The following ACOT12 variants were observed in gnomAD, a reference collection of about 807,000 sequenced individuals.
ACOT12 encodes the protein acyl-CoA thioesterase 12.
ACOT12 carries 51 observed loss-of-function variants against 67.7 expected under a neutral mutation model. The ratio of observed to expected loss-of-function variants is 0.75; its 90% confidence interval spans 0.60 to 0.95. ACOT12 has a LOEUF of 0.95. ACOT12 is among the 40% of genes least tolerant of loss of function. ACOT12 has a pLI of 0.00. For synonymous variants in ACOT12, 251 were observed against 244.6 expected, an observed-to-expected ratio of 1.03 and a Z score of -0.24; for missense variants, 734 against 708.1, an observed-to-expected ratio of 1.04 and a Z score of -0.41.
chr5:81,386,424 G>A (rs539401844), intron 1 of ACOT12, among the ~76,000 whole-genome samples: 1 of 152,150 alleles, frequency 6.6e-6, no homozygotes, highest in Non-Finnish European at 1.5e-5. Context: ...TGAAGGAGGA[G>A]TATTGAGTAG....
intron 2 of ACOT12, among the ~76,000 whole-genome samples, chr5:81,382,016 CTAAT>C (rs1298369222): frequency 6.6e-6 from 1 of 152,028 alleles, no homozygotes; most frequent in Non-Finnish European, 1.5e-5. Flanking sequence ...TATTCTGAAT[CTAAT>C]TAATGTGTAT....
At chr5:81,352,520 T>C (rs567571214) in intron 5 of ACOT12, among the ~76,000 whole-genome samples, 1 of 152,168 alleles carries the variant, frequency 6.6e-6, no homozygotes, top group South Asian at 2.1e-4. Flanking sequence ...ACGACAAACA[T>C]TGCATGTTTT....
At chr5:81,344,841 G>A (rs1285330065) in intron 8 of ACOT12, 50 bp downstream of exon 8, 1 of 1,602,928 alleles carries the variant, frequency 6.2e-7, no homozygotes, top group Non-Finnish European at 8.5e-7. Context: ...TCTAGGTAGA[G>A]CTCTCTATTC....
At chr5:81,362,735 C>T (rs987269376) in intron 4 of ACOT12, among the ~76,000 whole-genome samples, 5 of 152,138 alleles carry the variant, frequency 3.3e-5, no homozygotes, top group Admixed American at 2.0e-4. Context: ...ACACAGGCTC[C>T]GTGGGATGCT....
intron 1 of ACOT12, among the ~76,000 whole-genome samples, chr5:81,391,978 G>A (rs1412875113): frequency 6.6e-6 from 1 of 152,218 alleles, no homozygotes; most frequent in Non-Finnish European, 1.5e-5. Context: ...AACCGTGTGT[G>A]TGAGATGTTC....
chr5:81,325,490 C>T (rs1482925906), downstream of ACOT12, among the ~76,000 whole-genome samples: 2 of 152,134 alleles, frequency 1.3e-5, no homozygotes, highest in Non-Finnish European at 2.9e-5. Context: ...AATGAAAGGA[C>T]AGAGGTGCAG....
intron 2 of ACOT12, among the ~76,000 whole-genome samples, chr5:81,382,588 G>C (rs529675807): frequency 6.6e-6 from 1 of 152,222 alleles, no homozygotes; most frequent in African/African-American, 2.4e-5. Context: ...CCTGAGATCA[G>C]GAGTTTGAGA....
At chr5:81,390,039 C>T (rs951591808) in intron 1 of ACOT12, among the ~76,000 whole-genome samples, 4 of 149,168 alleles carry the variant, frequency 2.7e-5, no homozygotes, top group Non-Finnish European at 5.9e-5. Flanking sequence ...ACTGCAGCCT[C>T]GACCTCCCAG....
intron 6 of ACOT12, 71 bp downstream of exon 6, chr5:81,347,703 T>C: frequency 6.6e-7 from 1 of 1,524,374 alleles, no homozygotes; most frequent in Non-Finnish European, 8.9e-7. Context: ...TCCCAAGAAC[T>C]GGATCTCAGT....
At chr5:81,363,477 A>G (rs1401929755) in intron 4 of ACOT12, among the ~76,000 whole-genome samples, 1 of 152,242 alleles carries the variant, frequency 6.6e-6, no homozygotes, top group Non-Finnish European at 1.5e-5. Flanking sequence ...AATGAAAAGC[A>G]CTAAACCAGT....
At chr5:81,311,330 C>T in the ACOT12 span, 13 of 1,554,780 alleles carry the variant, frequency 8.4e-6, no homozygotes, top group Admixed American at 5.1e-5. Context: ...TATTCCTCTG[C>T]GTTTTATTCT....
At chr5:81,363,715 T>C in intron 4 of ACOT12, 73 bp downstream of exon 4, 1 of 1,103,284 alleles carries the variant, frequency 9.1e-7, no homozygotes. Context: ...CATTTTTTTC[T>C]ATAACATTCT....
chr5:81,334,589 G>A (rs1254916136), intron 12 of ACOT12, among the ~76,000 whole-genome samples: 1 of 152,110 alleles, frequency 6.6e-6, no homozygotes, highest in Admixed American at 6.6e-5. Context: ...TCACTTTAGT[G>A]GTATTAAATC....
the ACOT12 span, chr5:81,311,082 T>A: frequency 1.1e-6 from 1 of 885,166 alleles, no homozygotes; most frequent in Admixed American, 1.9e-5. Context: ...CACCTCCCTA[T>A]GATCCTGGTC....
At chr5:81,384,160 C>T (rs1292886030) in intron 2 of ACOT12, among the ~76,000 whole-genome samples, 7 of 132,238 alleles carry the variant, frequency 5.3e-5, no homozygotes, top group African/African-American at 1.1e-4. Flanking sequence ...TTGCTCTTGT[C>T]GCCCAGGCTG....
chr5:81,351,321 A>G (rs1209578033), intron 5 of ACOT12, among the ~76,000 whole-genome samples: 1 of 152,204 alleles, frequency 6.6e-6, no homozygotes, highest in Non-Finnish European at 1.5e-5. Context: ...TTTTGTTTAA[A>G]ATAAATTAAT....
intron 2 of ACOT12, among the ~76,000 whole-genome samples, 161 bp from the exon 3 acceptor site, chr5:81,371,971 A>G (rs551767498): frequency 3.9e-5 from 6 of 152,202 alleles, no homozygotes; most frequent in Non-Finnish European, 8.8e-5. Flanking sequence ...GAAAAAGACA[A>G]CACTTAAAAA....
rs368522355 is a variant in ACOT12 at position 81,330,959 on chromosome 5, T to C, written c.1392-19A>G. 1.2e-5 allele frequency: 19 copies of C among 1,573,788 alleles called. No individual in the cohort carries two copies. Among genetic ancestry groups the C allele is most frequent in the Admixed American group, 1.9e-5 (1 of 51,376 alleles). On this transcript the variant is annotated intron_variant, in intron 13 of 14. Transcript: ENST00000307624. ...AGTGTTACTGAAAGAAAACACTTTCTAAGCTCTTGTGAGAAATAAAGAATA... is the reference window on the plus strand; with the variant it reads ...AGTGTTACTGAAAGAAAACACTTTCCAAGCTCTTGTGAGAAATAAAGAATA...
rs765025624 is a variant in ACOT12 at position 81,394,010 on chromosome 5, G to A, written c.105C>T (p.Ile35=). 3 of 1,430,942 alleles carry A rather than the reference G, an allele frequency of 2.1e-6. No homozygotes were observed. Among genetic ancestry groups the A allele is most frequent in the South Asian group, 1.5e-5 (1 of 68,568 alleles). 88.6% of individuals were successfully genotyped at this position (1,430,942 alleles called of 1,614,324 possible). A position where few individuals can be genotyped will look rare whatever the true frequency, so the allele number is the denominator to read the frequency against. The stretch of plus-strand genomic sequence containing the variant: ...TACCCGCCAGGCAGGCGGTGGTGTC[G>A]ATCCACTTGAGCAGCTGCCCCGCGC... ...ELSAGQLLKW[I]DTTACLAAEK... The change falls in exon 1 of 15, where the codon ATC becomes ATT. Residue 35 remains isoleucine, a synonymous_variant. Coordinates refer to ENST00000307624, the MANE Select transcript of ACOT12 (RefSeq NM_130767.3).
Sources: allele counts gnomAD v4.1 joint callset (sites outside exome capture counted in the v4.1 genomes callset), GRCh38; gene constraint gnomAD v4.1.1; transcripts MANE v1.5; gene names NCBI Gene and HGNC (gene_info 2026-07-23, HGNC 2026-07-21).